Variants in RAB28 observed in about 807,000 individuals in gnomAD.
RAB28 encodes the protein RAB28, member RAS oncogene family.
In RAB28, 24 loss-of-function variants were observed where a neutral mutation model predicts 31.7. The ratio of observed to expected loss-of-function variants is 0.76; its 90% CI spans 0.55 to 1.06. RAB28 has a LOEUF of 1.06. Ranked by LOEUF, RAB28 falls within the 50% of genes least tolerant of loss-of-function variation. The pLI, the probability that RAB28 is intolerant of heterozygous loss-of-function variation, is 0.00. For missense variants in RAB28, 254 were observed against 258.5 expected, an observed-to-expected ratio of 0.98 and a Z score of 0.12; for synonymous variants, 100 against 90.4, an observed-to-expected ratio of 1.11 and a Z score of -0.60.
chr4:13,384,222 C>G (rs1048044637), intron 4 of RAB28, among the ~76,000 whole-genome samples: 2 of 152,214 alleles, frequency 1.3e-5, no homozygotes, highest in Admixed American at 1.3e-4. Context: ...CTGCACCCGC[C>G]AGCACCCGAC....
At chr4:13,469,354 C>A (rs1215882519) in intron 3 of RAB28, among the ~76,000 whole-genome samples, 1 of 151,994 alleles carries the variant, frequency 6.6e-6, no homozygotes, top group East Asian at 1.9e-4. Flanking sequence ...TTCATGTCTT[C>A]ATCCCCATAC....
chr4:13,413,529 A>T (rs1712566990), intron 4 of RAB28, among the ~76,000 whole-genome samples: 1 of 152,184 alleles, frequency 6.6e-6, no homozygotes, highest in Non-Finnish European at 1.5e-5. Context: ...ACTATTTAAT[A>T]GTACCCGCAG....
chr4:13,388,478 T>C (rs1403656877), intron 4 of RAB28, among the ~76,000 whole-genome samples: 1 of 151,960 alleles, frequency 6.6e-6, no homozygotes, highest in Non-Finnish European at 1.5e-5. Context: ...TTCTTGGACA[T>C]GACACCGAAT....
rs199929015 is a variant in RAB28, at chr4:13,372,843, T to TA, written c.573+3701dup. Among the ~76,000 whole-genome samples the TA allele has an allele frequency of 7.1e-3, 1,074 of 152,158 alleles. 9 individuals carry two copies. Among genetic ancestry groups the TA allele is most frequent in the Middle Eastern group, 0.014 (4 of 294 alleles). On this transcript the variant is annotated intron_variant, in intron 6 of 6. Transcript: ENST00000330852. ...ACAATAATATGCAAATTAAGGTAAC[T>TA]AAAATCTTGAGCATGTCTATTACAT...
chr4:13,379,934 A>G (rs1729062276), intron 5 of RAB28, among the ~76,000 whole-genome samples: 1 of 152,166 alleles, frequency 6.6e-6, no homozygotes, highest in African/African-American at 2.4e-5. Context: ...AAAAAAATGA[A>G]GTTTTTTAAT....
chr4:13,389,426 A>G (rs377642605), intron 4 of RAB28, among the ~76,000 whole-genome samples: 3 of 152,258 alleles, frequency 2.0e-5, no homozygotes. Flanking sequence ...GTACACTTGA[A>G]ATGGTTAAGA....
chr4:13,460,980 T>C (rs1396277503), intron 3 of RAB28, 152 bp from the exon 4 acceptor site: 2 of 706,864 alleles, frequency 2.8e-6, no homozygotes, highest in East Asian at 2.9e-5. Flanking sequence ...AATTGCTTAC[T>C]AGCAGATTGA....
chr4:13,464,774 A>G (rs1715763574), intron 3 of RAB28, among the ~76,000 whole-genome samples: 1 of 152,130 alleles, frequency 6.6e-6, no homozygotes, highest in Non-Finnish European at 1.5e-5. Context: ...TCCAGCTTTC[A>G]ATACAAAATT....
At chr4:13,442,806 G>A (rs745773744) in intron 4 of RAB28, among the ~76,000 whole-genome samples, 30 of 152,162 alleles carry the variant, frequency 2.0e-4, no homozygotes, top group Non-Finnish European at 3.5e-4. Flanking sequence ...TGAGGTAGGT[G>A]CTATTATTAG....
At chr4:13,382,000 G>C (rs1267359434) in intron 4 of RAB28, among the ~76,000 whole-genome samples, 2 of 152,186 alleles carry the variant, frequency 1.3e-5, no homozygotes, top group Admixed American at 6.5e-5. Flanking sequence ...TATTTGGCTT[G>C]AAAGAGTTTA....
intron 4 of RAB28, among the ~76,000 whole-genome samples, chr4:13,431,505 C>T (rs954117741): frequency 1.3e-5 from 2 of 152,098 alleles, no homozygotes; most frequent in African/African-American, 4.8e-5. Context: ...CAGAACTGCA[C>T]CATGAAATTA....
intron 3 of RAB28, 51 bp from the exon 4 acceptor site, chr4:13,460,879 A>G (rs750745653): frequency 2.6e-6 from 4 of 1,536,620 alleles, no homozygotes; most frequent in Non-Finnish European, 3.6e-6. Flanking sequence ...TGGTGAAAAA[A>G]TCTTAATGAA....
chr4:13,432,750 C>T (rs1171577536), intron 4 of RAB28, among the ~76,000 whole-genome samples: 1 of 152,100 alleles, frequency 6.6e-6, no homozygotes, highest in African/African-American at 2.4e-5. Context: ...GACAATTCTT[C>T]ACCATGAGGC....
intron 4 of RAB28, among the ~76,000 whole-genome samples, chr4:13,410,104 A>T: frequency 6.6e-6 from 1 of 152,166 alleles, no homozygotes; most frequent in Non-Finnish European, 1.5e-5. Flanking sequence ...GCTTTCCACC[A>T]TGATTTTAAG....
intron 4 of RAB28, among the ~76,000 whole-genome samples, chr4:13,415,968 G>C (rs1315280115): frequency 6.6e-6 from 1 of 152,184 alleles, no homozygotes; most frequent in Non-Finnish European, 1.5e-5. Context: ...GTCTGGCTCA[G>C]GGTTTGTGAA....
At chr4:13,483,798 G>C (rs182120012) in intron 1 of RAB28, among the ~76,000 whole-genome samples, 1 of 152,234 alleles carries the variant, frequency 6.6e-6, no homozygotes, top group Non-Finnish European at 1.5e-5. Flanking sequence ...CCAGTCCTGA[G>C]AGGCGGGAAG....
At chr4:13,408,594 A>C (rs890892771) in intron 4 of RAB28, among the ~76,000 whole-genome samples, 4 of 151,860 alleles carry the variant, frequency 2.6e-5, no homozygotes, top group African/African-American at 9.7e-5. Flanking sequence ...GCTTTTTAAA[A>C]CTCTGCATAA....
At chr4:13,449,048 G>T (rs2108949135) in intron 4 of RAB28, among the ~76,000 whole-genome samples, 1 of 152,010 alleles carries the variant, frequency 6.6e-6, no homozygotes, top group African/African-American at 2.4e-5. Context: ...GGTTAAAAGG[G>T]CAGAATGTTT....
chr4:13,467,334 T>A (rs1715908874), intron 3 of RAB28, among the ~76,000 whole-genome samples: 2 of 151,728 alleles, frequency 1.3e-5, no homozygotes, highest in South Asian at 4.1e-4. Flanking sequence ...TAACATTTTT[T>A]AAATAAAATC....
Sources: allele counts gnomAD v4.1 joint callset (sites outside exome capture counted in the v4.1 genomes callset), GRCh38; gene constraint gnomAD v4.1.1; transcripts MANE v1.5; gene names NCBI Gene and HGNC (gene_info 2026-07-23, HGNC 2026-07-21).